The following ASTN2 variants were observed in gnomAD, a reference collection of about 807,000 sequenced individuals.
The protein encoded by ASTN2 is astrotactin-2.
A neutral mutation model predicts 139.8 loss-of-function variants in ASTN2; 54 were observed. The observed-to-expected ratio is 0.39, with a 90% CI of 0.31 to 0.48. ASTN2 has a LOEUF of 0.48. Ranked by LOEUF, ASTN2 falls within the 20% of genes least tolerant of loss-of-function variation. The pLI is 0.95. For synonymous variants in ASTN2, 756 were observed against 719.5 expected (o/e 1.05, Z -0.81); for missense variants, 1,565 against 1,725.1 (o/e 0.91, Z 1.64).
intron 2 of ASTN2, among the ~76,000 whole-genome samples, chr9:117,219,573 G>T (rs867546290): frequency 6.6e-6 from 1 of 152,166 alleles, no homozygotes; most frequent in Non-Finnish European, 1.5e-5. Flanking sequence ...GGCAAACAAG[G>T]CTGAGGAAGT....
chr9:117,291,503 G>A lies in ASTN2; in HGVS notation c.453C>T (p.Gly151=). The part of the protein sequence containing the change: ...ELPFFTLEMS[G]TAADISLVHW... ...GCACCAGCGAGATGTCCGCTGCTGT[G>A]CCAGACATCTCTGCAAGACAAGACC... is the stretch of plus-strand genomic sequence containing the variant. Residue 151 remains glycine, a synonymous_variant, in exon 2 of 23, where the codon GGC becomes GGT. Coordinates refer to ENST00000313400, the MANE Select transcript of ASTN2 (RefSeq NM_001365068.1). 6.2e-7 allele frequency: 1 copy of A among 1,603,100 alleles called. No homozygotes were observed. The highest frequency in any genetic ancestry group is 8.5e-7 in the Non-Finnish European group (1 of 1,174,242).
At chr9:116,820,543 A>G in intron 12 of ASTN2, 74 bp downstream of exon 12, 1 of 1,532,426 alleles carries the variant, frequency 6.5e-7, no homozygotes, top group Non-Finnish European at 8.9e-7. Context: ...GCTGAGCTGT[A>G]GTGTCTGATC....
chr9:117,406,601 A>G (rs1830996821), intron 1 of ASTN2, among the ~76,000 whole-genome samples: 1 of 151,860 alleles, frequency 6.6e-6, no homozygotes, highest in African/African-American at 2.4e-5. Flanking sequence ...TCTAGCTAGG[A>G]GCTGTTCTCC....
chr9:116,434,852 G>A (rs1275340209), intron 22 of ASTN2, among the ~76,000 whole-genome samples: 1 of 152,186 alleles, frequency 6.6e-6, no homozygotes, highest in African/African-American at 2.4e-5. Context: ...GGGGACACTG[G>A]CCTGATAGAT....
At chr9:117,196,908 C>A in intron 3 of ASTN2, among the ~76,000 whole-genome samples, 1 of 118,112 alleles carries the variant, frequency 8.5e-6, no homozygotes. Flanking sequence ...TACCCAGCTC[C>A]CCTTGAGAGA....
chr9:117,071,584 G>T (rs1002297875), intron 5 of ASTN2, among the ~76,000 whole-genome samples: 2 of 150,294 alleles, frequency 1.3e-5, no homozygotes, highest in East Asian at 3.9e-4. Context: ...GCAAGCCTGG[G>T]CAATGGCGGG....
chr9:117,408,134 T>C (rs79282567), intron 1 of ASTN2, among the ~76,000 whole-genome samples: 1,779 of 144,456 alleles, frequency 0.012, 13 homozygotes, highest in African/African-American at 0.028. Flanking sequence ...CCTAAGGAGA[T>C]TTTTCCTTGT....
chr9:117,354,436 C>T (rs1039289362), intron 1 of ASTN2, among the ~76,000 whole-genome samples: 2 of 152,128 alleles, frequency 1.3e-5, no homozygotes, highest in African/African-American at 4.8e-5. Flanking sequence ...TGCTGCTCAC[C>T]TTTCTACCAG....
chr9:116,898,007 T>C, intron 10 of ASTN2, among the ~76,000 whole-genome samples: 1 of 152,160 alleles, frequency 6.6e-6, no homozygotes, highest in East Asian at 1.9e-4. Context: ...GATATTGTTC[T>C]AATTTATGAA....
At chr9:116,872,106 G>A (rs2132354316) in intron 10 of ASTN2, among the ~76,000 whole-genome samples, 1 of 152,312 alleles carries the variant, frequency 6.6e-6, no homozygotes, top group Non-Finnish European at 1.5e-5. Flanking sequence ...TGGGACTACA[G>A]GAATGTGCTA....
intron 2 of ASTN2, among the ~76,000 whole-genome samples, chr9:117,234,296 A>G (rs1186563409): frequency 6.6e-6 from 1 of 152,212 alleles, no homozygotes; most frequent in African/African-American, 2.4e-5. Context: ...ATAACTCAGC[A>G]GAGACAATAC....
At chr9:117,400,420 G>C (rs538397333) in intron 1 of ASTN2, among the ~76,000 whole-genome samples, 1 of 152,276 alleles carries the variant, frequency 6.6e-6, no homozygotes, top group African/African-American at 2.4e-5. Context: ...TTCCCTAGAG[G>C]CTTCTGTGGT....
At chr9:116,594,339 A>G (rs1228285248) in intron 19 of ASTN2, among the ~76,000 whole-genome samples, 1 of 152,208 alleles carries the variant, frequency 6.6e-6, no homozygotes, top group Non-Finnish European at 1.5e-5. Flanking sequence ...CAGAATGAGT[A>G]CACATCTTCT....
intron 7 of ASTN2, among the ~76,000 whole-genome samples, chr9:117,000,335 G>A (rs1416316213): frequency 1.3e-5 from 2 of 152,186 alleles, no homozygotes; most frequent in African/African-American, 4.8e-5. Context: ...TCTGACTCAG[G>A]AAGATATCCC....
intron 13 of ASTN2, among the ~76,000 whole-genome samples, chr9:116,771,990 T>G (rs1442348126): frequency 6.6e-6 from 1 of 152,260 alleles, no homozygotes; most frequent in Non-Finnish European, 1.5e-5. Context: ...GTGGTCAATC[T>G]GATAGCTCCA....
At chr9:117,253,752 A>T (rs1833604709) in intron 2 of ASTN2, among the ~76,000 whole-genome samples, 1 of 152,164 alleles carries the variant, frequency 6.6e-6, no homozygotes, top group African/African-American at 2.4e-5. Context: ...TCCATGAAAC[A>T]GGAGCTGGGG....
chr9:117,089,333 G>A (rs73527201), intron 5 of ASTN2, among the ~76,000 whole-genome samples: 8,739 of 152,154 alleles, frequency 0.057, 564 homozygotes, highest in East Asian at 0.19. Context: ...TACTATCTCC[G>A]ATGAATATAT....
chr9:116,801,653 A>C (rs1830862918), intron 13 of ASTN2, among the ~76,000 whole-genome samples: 1 of 151,710 alleles, frequency 6.6e-6, no homozygotes, highest in African/African-American at 2.4e-5. Flanking sequence ...AAAAAAGGAA[A>C]AGATAAATTT....
chr9:117,114,893 T>C (rs532002379), intron 4 of ASTN2, among the ~76,000 whole-genome samples: 5 of 152,230 alleles, frequency 3.3e-5, no homozygotes, highest in South Asian at 2.1e-4. Flanking sequence ...AACATCCCCA[T>C]TGGAGCTCTT....
Sources: allele counts gnomAD v4.1 joint callset (sites outside exome capture counted in the v4.1 genomes callset), GRCh38; gene constraint gnomAD v4.1.1; transcripts MANE v1.5; gene names NCBI Gene and HGNC (gene_info 2026-07-23, HGNC 2026-07-21).